Variants in BBX observed in about 807,000 individuals in gnomAD.
The protein encoded by BBX is BBX high mobility group box domain containing, also known as HMG box transcription factor BBX.
A neutral mutation model predicts 100.2 loss-of-function variants in BBX; 30 were observed. The observed-to-expected ratio is 0.30, with a 90% CI of 0.22 to 0.41. The LOEUF is 0.41. Among genes scored for constraint, BBX ranks in the 10% least tolerant of loss-of-function variants. The probability of loss-of-function intolerance (pLI) is 1.00; values close to 1 mark genes in which losing one functional copy is unlikely to be tolerated. For synonymous variants in BBX, 376 were observed against 388.1 expected (o/e 0.97, Z 0.37); for missense variants, 1,023 against 1,129.8 (o/e 0.91, Z 1.35).
chr3:107,717,769 G>A (rs916233290), intron 5 of BBX, among the ~76,000 whole-genome samples: 3 of 152,126 alleles, frequency 2.0e-5, no homozygotes, highest in African/African-American at 7.2e-5. Context: ...ACACTTAAAT[G>A]TATTGTGATG....
At chr3:107,528,917 G>T (rs891497318) in intron 2 of BBX, among the ~76,000 whole-genome samples, 3 of 152,154 alleles carry the variant, frequency 2.0e-5, no homozygotes, top group Non-Finnish European at 4.4e-5. Flanking sequence ...AAAGAACATG[G>T]GTAAAAGCAA....
intron 13 of BBX, among the ~76,000 whole-genome samples, chr3:107,781,629 C>T (rs943311244): frequency 4.0e-5 from 6 of 151,844 alleles, no homozygotes; most frequent in Admixed American, 6.6e-5. Flanking sequence ...GCATTGTTTA[C>T]GAAAGTATTA....
intron 8 of BBX, among the ~76,000 whole-genome samples, chr3:107,745,484 G>A (rs1426267153): frequency 6.6e-6 from 1 of 151,872 alleles, no homozygotes; most frequent in East Asian, 1.9e-4. Flanking sequence ...TTTTTTAAGA[G>A]AGAGTCTCAA....
intron 2 of BBX, among the ~76,000 whole-genome samples, chr3:107,577,400 T>G (rs2051872390): frequency 6.6e-6 from 1 of 152,108 alleles, no homozygotes. Flanking sequence ...AGGGAAAACA[T>G]GGCGGGAATG....
chr3:107,629,770 A>G (rs2056432722), intron 2 of BBX, among the ~76,000 whole-genome samples: 1 of 152,214 alleles, frequency 6.6e-6, no homozygotes, highest in Admixed American at 6.5e-5. Flanking sequence ...AATGTGGTGG[A>G]GAACATAGGA....
intron 2 of BBX, among the ~76,000 whole-genome samples, chr3:107,596,870 A>C (rs2053700437): frequency 6.6e-6 from 1 of 152,106 alleles, no homozygotes; most frequent in Non-Finnish European, 1.5e-5. Context: ...TGAGGGTCTA[A>C]ATTGCTGTTT....
Position 107,807,185 on chromosome 3 carries a change from G to A in BBX, c.*1728G>A, listed in dbSNP as rs1386036546. Reference sequence around the variant, plus strand: ...TAACAGGATTGAAAAAAAAATAGAGGTTTTTCTTCTTGTTTTTTTTTCCAA... The same window carrying A: ...TAACAGGATTGAAAAAAAAATAGAGATTTTTCTTCTTGTTTTTTTTTCCAA... On this transcript the variant is annotated 3_prime_UTR_variant, in exon 18 of 18. Coordinates refer to ENST00000325805, the MANE Select transcript of BBX (RefSeq NM_001142568.3). 5 of 151,942 alleles carry A rather than the reference G, an allele frequency of 3.3e-5. No homozygotes were observed. The highest frequency in any genetic ancestry group is 6.6e-5 in the Admixed American group (1 of 15,262). The allele number at this position is 151,942 out of a possible 1,614,324, so 9.4% of individuals were successfully genotyped here.
At chr3:107,547,346 T>C (rs1314778109) in intron 2 of BBX, among the ~76,000 whole-genome samples, 2 of 152,196 alleles carry the variant, frequency 1.3e-5, no homozygotes, top group African/African-American at 4.8e-5. Flanking sequence ...AATGAAATCA[T>C]TGAACTTCAT....
chr3:107,727,688 G>C (rs1341993635), intron 5 of BBX, among the ~76,000 whole-genome samples: 1 of 151,918 alleles, frequency 6.6e-6, no homozygotes, highest in Non-Finnish European at 1.5e-5. Context: ...TGATTTAAAG[G>C]GAAATGATAG....
At chr3:107,759,971 T>A (rs887682483) in intron 10 of BBX, among the ~76,000 whole-genome samples, 1 of 152,234 alleles carries the variant, frequency 6.6e-6, no homozygotes, top group Non-Finnish European at 1.5e-5. Flanking sequence ...TGATAATGAC[T>A]GGCATTTATT....
intron 2 of BBX, among the ~76,000 whole-genome samples, chr3:107,566,011 T>G (rs938226026): frequency 6.6e-6 from 1 of 151,116 alleles, no homozygotes. Flanking sequence ...CCATCTCTAC[T>G]AAAAATACAA....
intron 2 of BBX, among the ~76,000 whole-genome samples, chr3:107,540,280 A>G (rs1044642502): frequency 4.6e-5 from 7 of 152,312 alleles, no homozygotes; most frequent in South Asian, 2.1e-4. Flanking sequence ...AAGTGTTAGC[A>G]AGAACATTTC....
intron 3 of BBX, among the ~76,000 whole-genome samples, chr3:107,653,280 T>C (rs1223173233): frequency 1.3e-5 from 2 of 152,208 alleles, no homozygotes; most frequent in African/African-American, 2.4e-5. Context: ...AATCAGCAGG[T>C]GTTTGTTAAG....
intron 3 of BBX, among the ~76,000 whole-genome samples, chr3:107,670,626 G>A (rs1035445597): frequency 1.3e-5 from 2 of 152,022 alleles, no homozygotes; most frequent in South Asian, 2.1e-4. Flanking sequence ...TAGGAAAGAA[G>A]AGTTTAGGTT....
chr3:107,748,122 G>A (rs1489292560), intron 9 of BBX, 83 bp downstream of exon 9: 2 of 1,169,928 alleles, frequency 1.7e-6, no homozygotes, highest in Admixed American at 4.0e-5. Flanking sequence ...ATAATGTATA[G>A]TGAACTTTAG....
At chr3:107,695,928 T>C (rs553569570) in intron 3 of BBX, among the ~76,000 whole-genome samples, 1 of 152,020 alleles carries the variant, frequency 6.6e-6, no homozygotes, top group South Asian at 2.1e-4. Context: ...TCTTGTTGAA[T>C]TGATCCGTTT....
At chr3:107,535,395 C>T (rs1376545023) in intron 2 of BBX, among the ~76,000 whole-genome samples, 1 of 151,524 alleles carries the variant, frequency 6.6e-6, no homozygotes, top group Non-Finnish European at 1.5e-5. Context: ...AAGACTAAGC[C>T]TTTGTTTATA....
chr3:107,776,404 G>A (rs775456689), intron 12 of BBX: 3 of 152,166 alleles, frequency 2.0e-5, no homozygotes, highest in African/African-American at 7.2e-5. Flanking sequence ...AGGCACATGT[G>A]TATAACTGGG....
intron 2 of BBX, among the ~76,000 whole-genome samples, chr3:107,539,586 G>T (rs1204408672): frequency 6.6e-6 from 1 of 152,108 alleles, no homozygotes; most frequent in Non-Finnish European, 1.5e-5. Context: ...TGACCTTCCA[G>T]ACTTTTAAAA....
Sources: allele counts gnomAD v4.1 joint callset (sites outside exome capture counted in the v4.1 genomes callset), GRCh38; gene constraint gnomAD v4.1.1; transcripts MANE v1.5; gene names NCBI Gene and HGNC (gene_info 2026-07-23, HGNC 2026-07-21).